The following PTPRZ1 variants were observed in gnomAD, a reference collection of about 807,000 sequenced individuals.
PTPRZ1 encodes the protein receptor-type tyrosine-protein phosphatase zeta.
A neutral mutation model predicts 214.1 loss-of-function variants in PTPRZ1; 82 were observed. The ratio of observed to expected loss-of-function variants is 0.38; its 90% CI spans 0.32 to 0.46. The LOEUF (loss-of-function observed/expected upper bound fraction) is 0.46. PTPRZ1 is among the 20% of genes least tolerant of loss of function. The probability of loss-of-function intolerance (pLI) is 1.00; values close to 1 mark genes in which losing one functional copy is unlikely to be tolerated. For missense variants in PTPRZ1, 2,603 were observed against 2,748.7 expected, an observed-to-expected ratio of 0.95 and a Z score of 1.19; for synonymous variants, 945 against 987.9, an observed-to-expected ratio of 0.96 and a Z score of 0.81.
rs987707466 is a variant in PTPRZ1 at position 121,917,941 on chromosome 7, C to G, written c.59-10215C>G. On this transcript the variant is annotated intron_variant, in intron 1 of 29. Transcript: ENST00000393386. ...GCAAGTGGCTTATAAAAGATACTGG[C>G]AAATTGAAAATGTCTTAAATCATTG... Among the ~76,000 whole-genome samples, 8 of 151,638 alleles carry G rather than the reference C, an allele frequency of 5.3e-5. No individual in the cohort carries two copies. In the South Asian group the frequency reaches 1.5e-3, roughly 28 times the overall value.
At chr7:121,978,064 G>T (rs1214327834) in intron 6 of PTPRZ1, among the ~76,000 whole-genome samples, 1 of 152,112 alleles carries the variant, frequency 6.6e-6, no homozygotes, top group Non-Finnish European at 1.5e-5. Flanking sequence ...GGGGTGCCTT[G>T]GAAGGCACTC....
In PTPRZ1 at chr7:121,996,458, T is replaced by A. The variant is rs1352150673; in HGVS notation, c.1005T>A (p.Pro335=). The change falls in exon 9 of 30, where the codon CCT becomes CCA. Residue 335 remains proline, a synonymous_variant. Coordinates refer to ENST00000393386, the MANE Select transcript of PTPRZ1 (RefSeq NM_002851.3). ...YTSLLVTWER[P]RVVYDTMIEK... Reference sequence around the variant, plus strand: ...GCCTTCTTGTTACATGGGAAAGACCTCGAGTCGTTTATGATACCATGATTG... The same window carrying A: ...GCCTTCTTGTTACATGGGAAAGACCACGAGTCGTTTATGATACCATGATTG... The A allele has an allele frequency of 2.5e-6, 4 of 1,613,524 alleles. No individual in the cohort carries two copies. The Admixed American group carries it at 6.7e-5, about 27-fold the overall frequency.
rs1798758523 is a variant in PTPRZ1 at position 122,013,759 on chromosome 7, A to C, written c.4713A>C (p.Ala1571=). ...AGACTTCCACAGATTTCAGTTTTGC[A>C]GACACTAATGAAAAAGATGCTGATG... is the stretch of plus-strand genomic sequence containing the variant. ...ENETSTDFSF[A]DTNEKDADGI... The change falls in exon 12 of 30, where the codon GCA becomes GCC. Residue 1571 remains alanine, a synonymous_variant. Transcript: ENST00000393386. 1.9e-6 allele frequency: 3 copies of C among 1,614,068 alleles called. No individual in the cohort carries two copies. Among genetic ancestry groups the C allele is most frequent in the Non-Finnish European group, 1.7e-6 (2 of 1,180,032 alleles).
intron 23 of PTPRZ1, among the ~76,000 whole-genome samples, chr7:122,050,780 G>C (rs1292391018): frequency 6.6e-6 from 1 of 152,074 alleles, no homozygotes; most frequent in Non-Finnish European, 1.5e-5. Context: ...CAATTTCACA[G>C]AAATTAAGAC....
chr7:121,973,216 G>A (rs530927929), intron 4 of PTPRZ1, among the ~76,000 whole-genome samples: 52 of 151,808 alleles, frequency 3.4e-4, no homozygotes, highest in South Asian at 8.3e-4. Flanking sequence ...TTTAAAAATT[G>A]CAAAAATTTA....
chr7:121,891,087 G>A (rs1026413128), intron 1 of PTPRZ1, among the ~76,000 whole-genome samples: 1 of 151,912 alleles, frequency 6.6e-6, no homozygotes, highest in Admixed American at 6.6e-5. Context: ...TCTTTTCAAC[G>A]CCTTTGTTGT....
At chr7:121,925,292 A>T (rs1204066579) in intron 1 of PTPRZ1, among the ~76,000 whole-genome samples, 1 of 152,204 alleles carries the variant, frequency 6.6e-6, no homozygotes, top group Non-Finnish European at 1.5e-5. Flanking sequence ...TTAACCCCGG[A>T]ATTTAACTTA....
intron 14 of PTPRZ1, among the ~76,000 whole-genome samples, chr7:122,029,517 A>G (rs1377989929): frequency 6.6e-6 from 1 of 151,962 alleles, no homozygotes; most frequent in Non-Finnish European, 1.5e-5. Context: ...AGAGGACAAT[A>G]AAAGGAAAGA....
At position 121,879,722 on chromosome 7, in the gene PTPRZ1, T is replaced by A. The variant is rs190402560; in HGVS notation, c.58+6165T>A. ...TCAAAAGCAGAAAAAAAGGAGATGA[T>A]CTTTTGTTAGGATATTTGCTTTATT... On this transcript the variant is annotated intron_variant, in intron 1 of 29. Coordinates refer to ENST00000393386, the MANE Select transcript of PTPRZ1 (RefSeq NM_002851.3). 6.2e-4 allele frequency among the ~76,000 whole-genome samples: 95 copies of A among 152,186 alleles called. 1 individual carries two copies. Among genetic ancestry groups the A allele is most frequent in the African/African-American group, 1.9e-3 (79 of 41,538 alleles).
chr7:121,955,427 G>GGCTT (rs1796673146), intron 2 of PTPRZ1, among the ~76,000 whole-genome samples: 1 of 108,812 alleles, frequency 9.2e-6, no homozygotes, highest in Non-Finnish European at 2.0e-5. Context: ...TTTCCACCAG[G>GGCTT]GCTTTGTTTG....
At chr7:121,895,954 C>T (rs933542844) in intron 1 of PTPRZ1, among the ~76,000 whole-genome samples, 2 of 152,190 alleles carry the variant, frequency 1.3e-5, no homozygotes, top group Admixed American at 6.5e-5. Flanking sequence ...TCCTCCTTCT[C>T]GCCAAGTGTT....
intron 13 of PTPRZ1, among the ~76,000 whole-genome samples, chr7:122,020,305 G>A (rs1041036359): frequency 1.3e-5 from 2 of 152,130 alleles, no homozygotes; most frequent in Non-Finnish European, 2.9e-5. Flanking sequence ...TGCTTATTGA[G>A]GGGGAAGAAT....
At chr7:121,893,970 G>A (rs1178332517) in intron 1 of PTPRZ1, among the ~76,000 whole-genome samples, 1 of 152,130 alleles carries the variant, frequency 6.6e-6, no homozygotes, top group Admixed American at 6.6e-5. Flanking sequence ...AGAAAGTGTT[G>A]AACAACCCGA....
intron 2 of PTPRZ1, among the ~76,000 whole-genome samples, chr7:121,933,277 A>G (rs1453486768): frequency 6.6e-6 from 1 of 152,094 alleles, no homozygotes; most frequent in Non-Finnish European, 1.5e-5. Context: ...TTTGATTGCA[A>G]CCTCAAGCAA....
At chr7:121,903,849 A>C (rs1254980885) in intron 1 of PTPRZ1, among the ~76,000 whole-genome samples, 1 of 152,158 alleles carries the variant, frequency 6.6e-6, no homozygotes, top group East Asian at 1.9e-4. Flanking sequence ...CATAGTATAC[A>C]TTCTCTAAAT....
chr7:121,992,824 G>A (rs1798012240), intron 8 of PTPRZ1, among the ~76,000 whole-genome samples: 1 of 152,188 alleles, frequency 6.6e-6, no homozygotes, highest in Non-Finnish European at 1.5e-5. Flanking sequence ...GCAAGAACAT[G>A]TATAGCTCCC....
At chr7:122,029,110 A>G (rs973233379) in intron 14 of PTPRZ1, among the ~76,000 whole-genome samples, 1 of 150,992 alleles carries the variant, frequency 6.6e-6, no homozygotes, top group African/African-American at 2.4e-5. Context: ...TTTTTTTTTA[A>G]CCTACATTAG....
rs1328140208 is a variant in PTPRZ1, at chr7:122,013,799, G to A, written c.4753G>A (p.Gly1585Ser). ...EKDADGILAA[G>S]DSEITPGFPQ... ...AGATGCTGATGGGATCCTGGCAGCAGGTGACTCAGAAATAACTCCTGGATT... is the reference window on the plus strand; with the variant it reads ...AGATGCTGATGGGATCCTGGCAGCAAGTGACTCAGAAATAACTCCTGGATT... The change falls in exon 12 of 30, where the codon GGT (glycine) becomes AGT (serine). Residue 1585 changes from glycine to serine, a missense_variant. Gly to Ser is a moderately conservative substitution (Grantham distance 56). Transcript: ENST00000393386. The A allele has an allele frequency of 9.9e-6, 16 of 1,613,954 alleles. No individual in the cohort carries two copies. The highest frequency in any genetic ancestry group is 1.4e-5 in the Non-Finnish European group (16 of 1,179,940).
chr7:121,987,494 A>G (rs573549402), intron 8 of PTPRZ1, among the ~76,000 whole-genome samples: 2 of 152,324 alleles, frequency 1.3e-5, no homozygotes, highest in East Asian at 3.9e-4. Flanking sequence ...ATTGCTTTCC[A>G]CAATGGCTGG....
Sources: allele counts gnomAD v4.1 joint callset (sites outside exome capture counted in the v4.1 genomes callset), GRCh38; gene constraint gnomAD v4.1.1; transcripts MANE v1.5; gene names NCBI Gene and HGNC (gene_info 2026-07-23, HGNC 2026-07-21).